The following ZBTB20 variants were observed in gnomAD, a reference collection of about 807,000 sequenced individuals.
ZBTB20 encodes zinc finger and BTB domain-containing protein 20.
A neutral mutation model predicts 56.9 loss-of-function variants in ZBTB20; 9 were observed. That is an observed-to-expected ratio of 0.16 (90% CI 0.10 to 0.28). ZBTB20 has a LOEUF of 0.28. Ranked by LOEUF, ZBTB20 falls within the 10% of genes least tolerant of loss-of-function variation. The pLI, the probability that ZBTB20 is intolerant of heterozygous loss-of-function variation, is 1.00. For missense variants in ZBTB20, 655 were observed against 1,003.0 expected (o/e 0.65, Z 4.69); for synonymous variants, 417 against 420.7 (o/e 0.99, Z 0.11).
intron 7 of ZBTB20, among the ~76,000 whole-genome samples, chr3:114,485,238 G>A (rs1022734713): frequency 3.3e-5 from 5 of 152,110 alleles, no homozygotes; most frequent in African/African-American, 9.7e-5. Context: ...ATACTTTTGC[G>A]AAGAAATGAG....
At chr3:114,799,952 A>G (rs954862959) in intron 5 of ZBTB20, among the ~76,000 whole-genome samples, 55 of 151,926 alleles carry the variant, frequency 3.6e-4, no homozygotes, top group African/African-American at 1.1e-3. Flanking sequence ...TAAAGAGTGC[A>G]ATGAACTACA....
At chr3:114,753,371 TA>T (rs376093220) in intron 5 of ZBTB20, among the ~76,000 whole-genome samples, 27,279 of 77,138 alleles carry the variant, frequency 0.35, 12,554 homozygotes, top group Admixed American at 0.56. Flanking sequence ...AATGTATATA[TA>T]ATGTATATAC....
At chr3:114,602,223 C>G (rs1465737732) in intron 6 of ZBTB20, among the ~76,000 whole-genome samples, 1 of 152,036 alleles carries the variant, frequency 6.6e-6, no homozygotes, top group Non-Finnish European at 1.5e-5. Context: ...GACACTGAGG[C>G]TGGCTGAGAT....
chr3:114,898,316 A>G (rs550222312), intron 4 of ZBTB20, among the ~76,000 whole-genome samples: 1 of 152,170 alleles, frequency 6.6e-6, no homozygotes, highest in African/African-American at 2.4e-5. Flanking sequence ...CCTTATGTGT[A>G]TAATGGGAAT....
At chr3:115,028,559 G>T (rs2080524720) in intron 2 of ZBTB20, among the ~76,000 whole-genome samples, 1 of 150,240 alleles carries the variant, frequency 6.7e-6, no homozygotes, top group Admixed American at 6.6e-5. Context: ...GGCTCACATT[G>T]TATTCCTATT....
chr3:114,608,711 T>A (rs973442175), intron 6 of ZBTB20, among the ~76,000 whole-genome samples: 4 of 152,196 alleles, frequency 2.6e-5, no homozygotes, highest in African/African-American at 9.6e-5. Flanking sequence ...AGCACCAACC[T>A]GTAATTCCCA....
intron 5 of ZBTB20, among the ~76,000 whole-genome samples, chr3:114,742,123 A>G (rs753752282): frequency 1.3e-5 from 2 of 152,146 alleles, no homozygotes; most frequent in Non-Finnish European, 2.9e-5. Flanking sequence ...TATTTCTTAA[A>G]CCCATAGGTC....
chr3:114,822,258 A>G (rs2073296907), intron 4 of ZBTB20, among the ~76,000 whole-genome samples: 1 of 152,136 alleles, frequency 6.6e-6, no homozygotes, highest in African/African-American at 2.4e-5. Context: ...AGATATAAAT[A>G]GTTTCTGGAA....
chr3:114,841,990 C>T (rs1266563304), intron 4 of ZBTB20, among the ~76,000 whole-genome samples: 1 of 152,108 alleles, frequency 6.6e-6, no homozygotes, highest in Non-Finnish European at 1.5e-5. Flanking sequence ...TATACAACCC[C>T]CTTCATAGTA....
At chr3:114,365,877 G>A (rs13084997) in intron 10 of ZBTB20, among the ~76,000 whole-genome samples, 50,654 of 152,050 alleles carry the variant, frequency 0.33, 9,081 homozygotes, top group Non-Finnish European at 0.4. Flanking sequence ...TCCCCAGCAT[G>A]AAAAGCAGAG....
chr3:114,475,773 C>T (rs1335654681), intron 7 of ZBTB20, among the ~76,000 whole-genome samples: 1 of 152,148 alleles, frequency 6.6e-6, no homozygotes, highest in Non-Finnish European at 1.5e-5. Flanking sequence ...AAATAACATT[C>T]AAATATGTAG....
chr3:114,478,248 G>T (rs868164827), intron 7 of ZBTB20, among the ~76,000 whole-genome samples: 2 of 152,292 alleles, frequency 1.3e-5, no homozygotes, highest in Non-Finnish European at 2.9e-5. Flanking sequence ...TTACAGGCGT[G>T]AGCCACCACA....
chr3:114,545,589 T>C (rs760653969), intron 6 of ZBTB20, among the ~76,000 whole-genome samples: 2 of 152,142 alleles, frequency 1.3e-5, no homozygotes, highest in African/African-American at 4.8e-5. Context: ...AGATTAGCAA[T>C]AGGGCAGTTA....
chr3:114,968,753 T>G (rs552929765), intron 3 of ZBTB20, among the ~76,000 whole-genome samples: 2 of 152,346 alleles, frequency 1.3e-5, no homozygotes, highest in East Asian at 3.9e-4. Flanking sequence ...TTAAAAATAC[T>G]AGAAATTCCT....
Position 114,329,292 on chromosome 3 carries a change from T to C in ZBTB20, c.*9713A>G, listed in dbSNP as rs992978684. ...TGGACCAGTGTGAGGGGGTCTTTTA[T>C]ACTGAGGTTTTAAAAACCTGACTTC... On this transcript the variant is annotated 3_prime_UTR_variant, in exon 12 of 12. Transcript: ENST00000675478. 1 of 152,172 alleles carries C rather than the reference T, an allele frequency of 6.6e-6. No homozygotes were observed. The highest frequency in any genetic ancestry group is 1.5e-5 in the Non-Finnish European group (1 of 68,012). The allele number at this position is 152,172 out of a possible 1,614,324, so 9.4% of individuals were successfully genotyped here.
At chr3:114,641,481 A>G (rs973748236) in intron 6 of ZBTB20, among the ~76,000 whole-genome samples, 1 of 151,770 alleles carries the variant, frequency 6.6e-6, no homozygotes, top group Non-Finnish European at 1.5e-5. Context: ...AATTTTTCTT[A>G]TATAGATATA....
Position 114,953,425 on chromosome 3 carries a change from T to A in ZBTB20, c.-456+20941A>T, listed in dbSNP as rs2077140143. Among the ~76,000 whole-genome samples, 9 of 151,832 alleles carry A rather than the reference T, an allele frequency of 5.9e-5. No homozygotes were observed. The South Asian group carries it at 1.9e-3, about 32-fold the overall frequency. ...TAAATATACCAATTAAAGACAGAGA[T>A]TATCAGAACGGATTTTTTTTAATGA... is the stretch of plus-strand genomic sequence containing the variant. On this transcript the variant is annotated intron_variant, in intron 3 of 11. Transcript: ENST00000675478.
At chr3:114,514,542 A>G (rs528057169) in intron 6 of ZBTB20, among the ~76,000 whole-genome samples, 8 of 152,304 alleles carry the variant, frequency 5.3e-5, no homozygotes, top group African/African-American at 1.9e-4. Context: ...TTATCTGCAA[A>G]GTACCTAAAA....
chr3:114,436,346 G>A (rs1368765484), intron 7 of ZBTB20, among the ~76,000 whole-genome samples: 1 of 152,086 alleles, frequency 6.6e-6, no homozygotes. Flanking sequence ...TCTCCCTAGA[G>A]GCCCAAGGGC....
Sources: gnomAD v4.1 joint callset for allele counts (sites outside exome capture counted in the v4.1 genomes callset) on GRCh38, gnomAD v4.1.1 for gene constraint, MANE v1.5 for transcripts, NCBI Gene and HGNC (gene_info 2026-07-23, HGNC 2026-07-21) for gene names.